Variants in ZNF420 observed in about 807,000 individuals in gnomAD.
ZNF420 encodes the protein zinc finger protein 420, also known as ATM and p53-associated KZNF protein.
Under a neutral mutation model 44.7 loss-of-function variants are expected in ZNF420, and 31 were observed. The ratio of observed to expected loss-of-function variants is 0.69; its 90% CI spans 0.52 to 0.94. The LOEUF (loss-of-function observed/expected upper bound fraction) is 0.94, where lower values mean the gene tolerates loss of function less well. Ranked by LOEUF, ZNF420 falls within the 40% of genes least tolerant of loss-of-function variation. The pLI is 0.00. For missense variants in ZNF420, 681 were observed against 827.9 expected (o/e 0.82, Z 2.18); for synonymous variants, 245 against 267.4 (o/e 0.92, Z 0.82).
In ZNF420 at chr19:37,123,851, G is replaced by A. The variant is rs149129672; in HGVS notation, c.137-3277G>A. Among the ~76,000 whole-genome samples, 11 of 151,464 alleles carry A rather than the reference G, an allele frequency of 7.3e-5. No homozygotes were observed. The East Asian group carries it at 1.2e-3, about 16-fold the overall frequency. ...TCTCAATCTCCTGACCTCGTAATCC[G>A]CCCGCCTCAGCCTCCCAAAGTGCTG... is the stretch of plus-strand genomic sequence containing the variant. On this transcript the variant is annotated intron_variant, in intron 4 of 4. Transcript: ENST00000337995.
intron 1 of ZNF420, among the ~76,000 whole-genome samples, chr19:37,014,600 T>C (rs546464147): frequency 6.6e-6 from 1 of 152,272 alleles, no homozygotes; most frequent in African/African-American, 2.4e-5. Flanking sequence ...CGCCGGTCCA[T>C]CTCTAGCATT....
At chr19:37,036,129 T>G (rs1967350495) in intron 1 of ZNF420, among the ~76,000 whole-genome samples, 1 of 152,010 alleles carries the variant, frequency 6.6e-6, no homozygotes, top group African/African-American at 2.4e-5. Context: ...GGCACAAAAA[T>G]ACAGTTAGAT....
chr19:37,060,735 A>C (rs1338978889), intron 1 of ZNF420, among the ~76,000 whole-genome samples: 1 of 152,064 alleles, frequency 6.6e-6, no homozygotes, highest in Non-Finnish European at 1.5e-5. Flanking sequence ...AATGAGCGGT[A>C]GGCGACCGTG....
At chr19:37,116,084 C>T (rs1187365055) in intron 4 of ZNF420, among the ~76,000 whole-genome samples, 4 of 152,098 alleles carry the variant, frequency 2.6e-5, no homozygotes, top group African/African-American at 9.7e-5. Context: ...TTTCTTAGTA[C>T]AGAACAAAAT....
Position 37,129,162 on chromosome 19 carries a change from A to G in ZNF420, c.*104A>G. 1 of 1,361,668 alleles carries G rather than the reference A, an allele frequency of 7.3e-7. No individual in the cohort carries two copies. The allele number at this position is 1,361,668 out of a possible 1,614,324, so 84.3% of individuals were successfully genotyped here. On this transcript the variant is annotated 3_prime_UTR_variant, in exon 5 of 5. Transcript: ENST00000337995. Reference sequence around the variant, plus strand: ...GGCGCACATTTGCCTCATAAAGCACAGCATCAGATAATTTATGTGAGAGAA... The same window carrying G: ...GGCGCACATTTGCCTCATAAAGCACGGCATCAGATAATTTATGTGAGAGAA...
chr19:37,116,659 A>G (rs375587203), intron 4 of ZNF420, among the ~76,000 whole-genome samples: 2,890 of 152,164 alleles, frequency 0.019, 77 homozygotes, highest in East Asian at 0.049. Flanking sequence ...GCGAGGCATT[A>G]CCTCACTCAG....
rs749365359 is a variant in ZNF420, at chr19:37,127,586, G to A, written c.595G>A (p.Glu199Lys). The A allele has an allele frequency of 6.2e-7, 1 of 1,614,034 alleles. No individual in the cohort carries two copies. Reference protein sequence around the residue: ...HTGEKPYACKECGKAFTQSSQ... With the variant: ...HTGEKPYACKKCGKAFTQSSQ... Reference sequence around the variant, plus strand: ...TGGTGAGAAACCCTATGCATGTAAGGAATGTGGGAAGGCCTTTACTCAAAG... The same window carrying A: ...TGGTGAGAAACCCTATGCATGTAAGAAATGTGGGAAGGCCTTTACTCAAAG... The change falls in exon 5 of 5, where the codon GAA (glutamate) becomes AAA (lysine). Residue 199 changes from glutamate to lysine, a missense_variant. This residue lies in a region of ZNF420 where 350 missense variants were observed against 382.5 expected (regional missense o/e 0.92). Transcript: ENST00000337995.
intron 4 of ZNF420, among the ~76,000 whole-genome samples, chr19:37,123,079 T>C (rs1971145308): frequency 6.6e-6 from 1 of 152,224 alleles, no homozygotes; most frequent in Non-Finnish European, 1.5e-5. Context: ...TCTTCTCTTT[T>C]CATGTTACAT....
At chr19:37,061,115 G>A (rs186177769) in intron 1 of ZNF420, among the ~76,000 whole-genome samples, 17 of 152,248 alleles carry the variant, frequency 1.1e-4, no homozygotes, top group African/African-American at 3.9e-4. Flanking sequence ...AACATGCCTG[G>A]ACACCATTGT....
chr19:37,098,015 G>A (rs1969556298), intron 4 of ZNF420, among the ~76,000 whole-genome samples: 1 of 151,666 alleles, frequency 6.6e-6, no homozygotes, highest in Non-Finnish European at 1.5e-5. Context: ...CTGTCACTTA[G>A]GCTGGAGTGC....
Position 37,130,075 on chromosome 19 carries a change from A to G in ZNF420, c.*1017A>G, listed in dbSNP as rs1407956094. On this transcript the variant is annotated 3_prime_UTR_variant, in exon 5 of 5. Transcript: ENST00000337995. The stretch of plus-strand genomic sequence containing the variant: ...TCAACAAGATAGAAGTGATATTTAT[A>G]TGAGTAGGAGATTTACGAAATCCAT... 1 of 1,550,122 alleles carries G rather than the reference A, an allele frequency of 6.5e-7. No individual in the cohort carries two copies. The highest frequency in any genetic ancestry group is 2.4e-5 in the East Asian group (1 of 40,894).
At chr19:37,040,725 A>G (rs1407072430) in intron 1 of ZNF420, among the ~76,000 whole-genome samples, 1 of 152,218 alleles carries the variant, frequency 6.6e-6, no homozygotes, top group Non-Finnish European at 1.5e-5. Flanking sequence ...ACTGAGGTAT[A>G]ACTGGACAAA....
chr19:37,129,342 G>A lies in ZNF420; in HGVS notation c.*284G>A. 2.6e-6 allele frequency: 1 copy of A among 380,004 alleles called. No individual in the cohort carries two copies. Among genetic ancestry groups the A allele is most frequent in the Non-Finnish European group, 4.7e-6 (1 of 212,376 alleles). 23.5% of individuals were successfully genotyped at this position (380,004 alleles called of 1,614,324 possible). On this transcript the variant is annotated 3_prime_UTR_variant, in exon 5 of 5. Coordinates refer to ENST00000337995, the MANE Select transcript of ZNF420 (RefSeq NM_144689.5). ...CAACGTTATCTTAGCTCTACTAGTTGATCTTTTTGTTATATGTATCATGAT... is the reference window on the plus strand; with the variant it reads ...CAACGTTATCTTAGCTCTACTAGTTAATCTTTTTGTTATATGTATCATGAT...
intron 1 of ZNF420, among the ~76,000 whole-genome samples, chr19:37,057,426 G>T (rs1167567369): frequency 9.0e-6 from 1 of 111,034 alleles, no homozygotes; most frequent in Non-Finnish European, 2.0e-5. Context: ...CTGTGCCACT[G>T]CTGTATGTCT....
chr19:37,113,622 C>T (rs746091845), intron 4 of ZNF420, among the ~76,000 whole-genome samples: 13 of 152,184 alleles, frequency 8.5e-5, no homozygotes, highest in Non-Finnish European at 1.5e-4. Flanking sequence ...GCTCCTTTAG[C>T]GCCTTGTCTT....
rs549509335 is a variant in ZNF420 at position 37,016,778 on chromosome 19, C to T, written c.-125+8696C>T. 5.6e-4 allele frequency among the ~76,000 whole-genome samples: 85 copies of T among 152,218 alleles called. 1 individual carries two copies. Among genetic ancestry groups the T allele is most frequent in the African/African-American group, 1.6e-3 (68 of 41,548 alleles). On this transcript the variant is annotated intron_variant, in intron 1 of 4. Coordinates refer to the ZNF420 transcript ENST00000587029. ...TTTGCATGACGCTACTGGGACCCCT[C>T]GGAGGATGATTTTGGTAGTAGGGCC...
chr19:37,071,378 G>A (rs1356849752), intron 1 of ZNF420, among the ~76,000 whole-genome samples: 1 of 152,148 alleles, frequency 6.6e-6, no homozygotes. Context: ...TAGTTTTGGA[G>A]TAAGTAGCTG....
At chr19:37,020,062 A>G (rs2074636205) in intron 1 of ZNF420, among the ~76,000 whole-genome samples, 2 of 151,934 alleles carry the variant, frequency 1.3e-5, no homozygotes, top group Admixed American at 1.3e-4. Flanking sequence ...CTAAAAATAC[A>G]AAAAATGAGC....
At chr19:37,123,232 C>T (rs1436594754) in intron 4 of ZNF420, among the ~76,000 whole-genome samples, 1 of 152,166 alleles carries the variant, frequency 6.6e-6, no homozygotes, top group Non-Finnish European at 1.5e-5. Flanking sequence ...AATTTCTATC[C>T]ATCTAGCTTC....
Sources: allele counts gnomAD v4.1 joint callset (sites outside exome capture counted in the v4.1 genomes callset), GRCh38; gene constraint gnomAD v4.1.1; regional missense constraint gnomAD v4.1.1; transcripts MANE v1.5; gene names NCBI Gene and HGNC (gene_info 2026-07-23, HGNC 2026-07-21).